AGK: variants seen among roughly 807,000 people sequenced by gnomAD.
AGK encodes the protein acylglycerol kinase, also known as acylglycerol kinase, mitochondrial.
AGK carries 52 observed loss-of-function variants against 66.4 expected under a neutral mutation model. That is an observed-to-expected ratio of 0.78 (90% CI 0.63 to 0.99). The LOEUF (loss-of-function observed/expected upper bound fraction) is 0.99. AGK is among the 50% of genes least tolerant of loss of function. The pLI, the probability that AGK is intolerant of heterozygous loss-of-function variation, is 0.00. For synonymous variants in AGK, 182 were observed against 181.1 expected (o/e 1.00, Z -0.04); for missense variants, 451 against 506.6 (o/e 0.89, Z 1.05).
chr7:141,654,968 A>G lies in AGK; in HGVS notation c.*2044A>G, dbSNP rs1303548253. On this transcript the variant is annotated 3_prime_UTR_variant, in exon 16 of 16. Coordinates refer to ENST00000649286, the MANE Select transcript of AGK (RefSeq NM_018238.4). ...GGTTCCAAACATCAGCATAAAGATC[A>G]CTCATCCCATACCACCCACAGGTAG... The G allele has an allele frequency of 6.6e-6, 1 of 152,194 alleles. No individual in the cohort carries two copies. The highest frequency in any genetic ancestry group is 1.5e-5 in the Non-Finnish European group (1 of 68,026). The allele number at this position is 152,194 out of a possible 1,614,324, so 9.4% of individuals were successfully genotyped here.
chr7:141,551,927 C>A (rs1024372948), intron 1 of AGK, among the ~76,000 whole-genome samples: 2 of 152,134 alleles, frequency 1.3e-5, no homozygotes, highest in Admixed American at 6.5e-5. Flanking sequence ...CTGGATACTC[C>A]ACAGGCGTGT....
chr7:141,620,139 C>T (rs569315113), intron 8 of AGK, among the ~76,000 whole-genome samples: 3 of 152,244 alleles, frequency 2.0e-5, no homozygotes, highest in South Asian at 2.1e-4. Context: ...AAACTCTAGA[C>T]GCAGAAAACA....
In AGK at chr7:141,604,403, T is replaced by TATAC. The variant is rs1301537652; in HGVS notation, c.297+3124_297+3125insTACA. 2.7e-3 allele frequency among the ~76,000 whole-genome samples: 384 copies of TATAC among 141,486 alleles called. 4 individuals are homozygous for TATAC. Among genetic ancestry groups the TATAC allele is most frequent in the African/African-American group, 7.0e-3 (269 of 38,266 alleles). The allele number at this position is 141,486 out of a possible 152,430, so 92.8% of individuals were successfully genotyped here. A position where few individuals can be genotyped will look rare whatever the true frequency, so the allele number is the denominator to read the frequency against. ...ATATATATATATATATATATATATA[T>TATAC]ACACATACATACACACACACACATA... is the stretch of plus-strand genomic sequence containing the variant. On this transcript the variant is annotated intron_variant, in intron 5 of 15. Transcript: ENST00000649286.
At chr7:141,609,298 G>A (rs1175875229) in intron 5 of AGK, among the ~76,000 whole-genome samples, 3 of 152,144 alleles carry the variant, frequency 2.0e-5, no homozygotes, top group Non-Finnish European at 4.4e-5. Flanking sequence ...TCACAAGACT[G>A]TCCACACTTC....
chr7:141,563,254 T>A (rs1795390982), intron 2 of AGK, among the ~76,000 whole-genome samples: 1 of 152,200 alleles, frequency 6.6e-6, no homozygotes, highest in African/African-American at 2.4e-5. Flanking sequence ...AGCCCTGCCT[T>A]TTATCTGTCA....
intron 5 of AGK, among the ~76,000 whole-genome samples, chr7:141,604,613 C>A (rs1405638295): frequency 7.7e-6 from 1 of 130,418 alleles, no homozygotes; most frequent in African/African-American, 2.9e-5. Context: ...GAGACAGAGT[C>A]TCACTCTGTC....
chr7:141,624,808 A>C (rs1037638078), intron 9 of AGK, among the ~76,000 whole-genome samples: 1 of 152,242 alleles, frequency 6.6e-6, no homozygotes, highest in Admixed American at 6.5e-5. Context: ...TTGACAAAGC[A>C]TTGGCAGGGA....
chr7:141,617,004 G>A (rs942078804), intron 8 of AGK, among the ~76,000 whole-genome samples: 7 of 152,064 alleles, frequency 4.6e-5, no homozygotes, highest in South Asian at 2.1e-4. Flanking sequence ...TGATCCGCCC[G>A]CCTCGGCCTC....
intron 2 of AGK, among the ~76,000 whole-genome samples, chr7:141,557,855 A>C (rs1042885918): frequency 5.9e-5 from 9 of 152,310 alleles, no homozygotes; most frequent in African/African-American, 2.2e-4. Flanking sequence ...TGGTGAAAAA[A>C]CACAGGACAT....
intron 13 of AGK, among the ~76,000 whole-genome samples, chr7:141,644,898 C>T (rs2117019815): frequency 6.6e-6 from 1 of 152,138 alleles, no homozygotes; most frequent in South Asian, 2.1e-4. Context: ...TGTCTATATA[C>T]ATGTAAATGT....
chr7:141,601,310 C>T, intron 5 of AGK, 30 bp downstream of exon 5: 1 of 1,558,984 alleles, frequency 6.4e-7, no homozygotes, highest in Non-Finnish European at 8.8e-7. Context: ...GTTTATTTCA[C>T]CCAAGCAGCT....
chr7:141,641,140 T>C, intron 11 of AGK, 108 bp from the exon 12 acceptor site: 1 of 991,012 alleles, frequency 1.0e-6, no homozygotes. Context: ...GATTATTAGT[T>C]CACTTTCTAG....
intron 11 of AGK, among the ~76,000 whole-genome samples, chr7:141,639,535 A>G (rs1483274972): frequency 6.6e-6 from 1 of 152,138 alleles, no homozygotes; most frequent in Non-Finnish European, 1.5e-5. Flanking sequence ...ACCTTTTTTC[A>G]TTGATACAGA....
At chr7:141,553,767 C>G (rs1795148982) in intron 1 of AGK, among the ~76,000 whole-genome samples, 1 of 152,164 alleles carries the variant, frequency 6.6e-6, no homozygotes, top group Admixed American at 6.5e-5. Flanking sequence ...CTCCCTGGCA[C>G]TGGCTTCACT....
At chr7:141,647,536 A>AAAG (rs1357574530) in intron 13 of AGK, among the ~76,000 whole-genome samples, 1 of 152,138 alleles carries the variant, frequency 6.6e-6, no homozygotes, top group Non-Finnish European at 1.5e-5. Flanking sequence ...AGGGGTTCTC[A>AAAG]AAGTCCAGTT....
chr7:141,594,122 T>G (rs1419015608), intron 3 of AGK: 2 of 152,250 alleles, frequency 1.3e-5, no homozygotes, highest in Non-Finnish European at 2.9e-5. Flanking sequence ...CTTCTTTGTT[T>G]AAATGTATTA....
intron 8 of AGK, 55 bp from the exon 9 acceptor site, chr7:141,621,677 G>C: frequency 8.6e-7 from 1 of 1,162,470 alleles, no homozygotes; most frequent in Non-Finnish European, 1.3e-6. Flanking sequence ...TGGCAGTGTG[G>C]TGGGGGAGAT....
intron 14 of AGK, 61 bp downstream of exon 14, chr7:141,649,394 G>A: frequency 8.0e-7 from 1 of 1,256,890 alleles, no homozygotes; most frequent in Non-Finnish European, 1.2e-6. Context: ...TTACTATTCA[G>A]AGTGCCCCAT....
chr7:141,573,671 G>A (rs1289751221), intron 2 of AGK, among the ~76,000 whole-genome samples: 3 of 152,140 alleles, frequency 2.0e-5, no homozygotes, highest in East Asian at 1.9e-4. Context: ...GATCTGTCAC[G>A]TATTCTGGAA....
Sources: allele counts gnomAD v4.1 joint callset (sites outside exome capture counted in the v4.1 genomes callset), GRCh38; gene constraint gnomAD v4.1.1; transcripts MANE v1.5; gene names NCBI Gene and HGNC (gene_info 2026-07-23, HGNC 2026-07-21).